Variants in PRUNE2 observed in about 807,000 individuals in gnomAD.
The protein encoded by PRUNE2 is prune homolog 2 with BCH domain.
A neutral mutation model predicts 252.0 loss-of-function variants in PRUNE2; 164 were observed. The observed-to-expected ratio is 0.65, with a 90% CI of 0.57 to 0.74. The LOEUF (loss-of-function observed/expected upper bound fraction) is 0.74. PRUNE2 is among the 30% of genes least tolerant of loss of function. PRUNE2 has a pLI of 0.00. For missense variants in PRUNE2, 3,495 were observed against 3,711.0 expected, an observed-to-expected ratio of 0.94 and a Z score of 1.51; for synonymous variants, 1,292 against 1,350.2, an observed-to-expected ratio of 0.96 and a Z score of 0.94.
intron 1 of PRUNE2, among the ~76,000 whole-genome samples, chr9:76,904,443 A>G (rs1271333833): frequency 1.3e-5 from 2 of 152,218 alleles, no homozygotes; most frequent in East Asian, 1.9e-4. Flanking sequence ...GGAGTGAAAA[A>G]CAGATACAGC....
At chr9:76,744,506 C>T (rs931357234) in intron 6 of PRUNE2, among the ~76,000 whole-genome samples, 1 of 152,140 alleles carries the variant, frequency 6.6e-6, no homozygotes, top group African/African-American at 2.4e-5. Flanking sequence ...TCCTACCATC[C>T]CTCTAGTATA....
At chr9:76,807,591 A>C (rs903515816) in intron 6 of PRUNE2, among the ~76,000 whole-genome samples, 3 of 152,244 alleles carry the variant, frequency 2.0e-5, no homozygotes, top group Non-Finnish European at 4.4e-5. Context: ...AAAATGGATT[A>C]ATGCTCTCTC....
rs1372186672 is a variant in PRUNE2, at chr9:76,627,700, G to A, written c.9149+1492C>T. On this transcript the variant is annotated intron_variant, in intron 16 of 18. Coordinates refer to ENST00000376718, the MANE Select transcript of PRUNE2 (RefSeq NM_015225.3). ...AATTTTGAAGGATTCTCTGAGAGAG[G>A]TAAAGGAATCTACTAGAAAAGGACA... Among the ~76,000 whole-genome samples, 6 of 152,156 alleles carry A rather than the reference G, an allele frequency of 3.9e-5. No homozygotes were observed. In the East Asian group the frequency reaches 9.6e-4, roughly 24 times the overall value.
At chr9:76,651,631 T>A (rs1016966287) in intron 11 of PRUNE2, among the ~76,000 whole-genome samples, 5 of 152,200 alleles carry the variant, frequency 3.3e-5, no homozygotes, top group Non-Finnish European at 7.3e-5. Flanking sequence ...ATTGTATTTG[T>A]ACATATTTCT....
rs151217156 is a variant in PRUNE2, at chr9:76,905,794, G to C, written c.36+134C>G. 820 of 1,154,982 alleles carry C rather than the reference G, an allele frequency of 7.1e-4. 4 individuals are homozygous for C. The African/African-American group carries it at 0.011, about 15-fold the overall frequency. The allele number at this position is 1,154,982 out of a possible 1,614,324, so 71.5% of individuals were successfully genotyped here. On this transcript the variant is annotated intron_variant, in intron 1 of 18. Transcript: ENST00000376718. ...GCCAGAGTTCCTGAGATTTCTTCCA[G>C]GAGACAACCCGCACACCCTGATAAC... is the stretch of plus-strand genomic sequence containing the variant.
chr9:76,747,955 T>C (rs1473433418), intron 6 of PRUNE2, among the ~76,000 whole-genome samples: 1 of 152,040 alleles, frequency 6.6e-6, no homozygotes, highest in Non-Finnish European at 1.5e-5. Context: ...GCCACCATGA[T>C]GGCTAATTTT....
At chr9:76,743,745 T>G (rs2049861555) in intron 6 of PRUNE2, among the ~76,000 whole-genome samples, 2 of 152,250 alleles carry the variant, frequency 1.3e-5, no homozygotes, top group Admixed American at 6.5e-5. Context: ...TATTCCATAC[T>G]TCCATATATT....
At chr9:76,717,589 T>C (rs997390141) in intron 6 of PRUNE2, among the ~76,000 whole-genome samples, 2 of 152,090 alleles carry the variant, frequency 1.3e-5, no homozygotes, top group Non-Finnish European at 2.9e-5. Flanking sequence ...CCCACTTAAA[T>C]TAAAATTATA....
At chr9:76,897,286 G>A (rs1250735413) in intron 1 of PRUNE2, among the ~76,000 whole-genome samples, 1 of 150,196 alleles carries the variant, frequency 6.7e-6, no homozygotes, top group African/African-American at 2.4e-5. Flanking sequence ...CTTGGGGGAA[G>A]AGGTGCTTAT....
chr9:76,864,448 G>T (rs114985738), intron 1 of PRUNE2, among the ~76,000 whole-genome samples: 4,811 of 150,222 alleles, frequency 0.032, 255 homozygotes, highest in African/African-American at 0.12. Flanking sequence ...GGATCCTAAA[G>T]AAATACATAA....
At chr9:76,668,797 G>A (rs1288379359) in intron 9 of PRUNE2, among the ~76,000 whole-genome samples, 4 of 151,432 alleles carry the variant, frequency 2.6e-5, no homozygotes, top group African/African-American at 9.7e-5. Flanking sequence ...TTCTCACCTT[G>A]GGAGGCATCG....
intron 12 of PRUNE2, among the ~76,000 whole-genome samples, chr9:76,640,199 T>C (rs1841977948): frequency 6.6e-6 from 1 of 152,282 alleles, no homozygotes; most frequent in Non-Finnish European, 1.5e-5. Context: ...AACGTGTTAG[T>C]TTTTTCAGAA....
chr9:76,644,582 A>G (rs1843992180), intron 12 of PRUNE2, 157 bp downstream of exon 12: 1 of 747,350 alleles, frequency 1.3e-6, no homozygotes, highest in African/African-American at 1.7e-5. Context: ...TGAATTGAAT[A>G]TGAGGAAATA....
intron 16 of PRUNE2, among the ~76,000 whole-genome samples, chr9:76,626,311 G>T (rs989878474): frequency 6.6e-6 from 1 of 152,184 alleles, no homozygotes; most frequent in Admixed American, 6.5e-5. Context: ...TTGATGACAG[G>T]CTCCATCTCA....
At chr9:76,687,030 C>T (rs972295817) in intron 9 of PRUNE2, among the ~76,000 whole-genome samples, 12 of 152,216 alleles carry the variant, frequency 7.9e-5, no homozygotes, top group South Asian at 2.1e-4. Flanking sequence ...CATGAGCCAC[C>T]GCACCCAGCC....
At chr9:76,731,862 A>G (rs1028589624) in intron 6 of PRUNE2, among the ~76,000 whole-genome samples, 1 of 152,204 alleles carries the variant, frequency 6.6e-6, no homozygotes, top group African/African-American at 2.4e-5. Context: ...TAAACAAAAG[A>G]AAGAGTAGCT....
intron 1 of PRUNE2, among the ~76,000 whole-genome samples, chr9:76,877,242 T>G (rs1395298955): frequency 6.6e-6 from 1 of 151,784 alleles, no homozygotes; most frequent in East Asian, 1.9e-4. Flanking sequence ...CGGTGCCTCA[T>G]GCCTGTAATC....
intron 6 of PRUNE2, among the ~76,000 whole-genome samples, chr9:76,735,617 T>G (rs1295802342): frequency 6.6e-6 from 1 of 152,114 alleles, no homozygotes; most frequent in Non-Finnish European, 1.5e-5. Context: ...TGCACCAGCC[T>G]AAGAAGCTTC....
chr9:76,857,669 G>C (rs1276860606), intron 1 of PRUNE2, among the ~76,000 whole-genome samples: 3 of 152,170 alleles, frequency 2.0e-5, no homozygotes, highest in Non-Finnish European at 4.4e-5. Flanking sequence ...CTGTACGTGA[G>C]CTCAATCTCT....
Sources: allele counts gnomAD v4.1 joint callset (sites outside exome capture counted in the v4.1 genomes callset), GRCh38; gene constraint gnomAD v4.1.1; transcripts MANE v1.5; gene names NCBI Gene and HGNC (gene_info 2026-07-23, HGNC 2026-07-21).